Variants in CSMD3 observed in about 807,000 individuals in gnomAD.
CSMD3 encodes CUB and Sushi multiple domains 3, also known as CUB and sushi domain-containing protein 3.
CSMD3 carries 177 observed loss-of-function variants against 435.2 expected under a neutral mutation model. The ratio of observed to expected loss-of-function variants is 0.41; its 90% confidence interval spans 0.36 to 0.46. The LOEUF (loss-of-function observed/expected upper bound fraction) is 0.46. Ranked by LOEUF, CSMD3 falls within the 20% of genes least tolerant of loss-of-function variation. CSMD3 has a pLI of 0.34. For missense variants in CSMD3, 4,265 were observed against 4,504.6 expected, an observed-to-expected ratio of 0.95 and a Z score of 1.52; for synonymous variants, 1,656 against 1,520.5, an observed-to-expected ratio of 1.09 and a Z score of -2.07.
chr8:112,924,855 T>C (rs2082862206), intron 9 of CSMD3, among the ~76,000 whole-genome samples: 1 of 152,132 alleles, frequency 6.6e-6, no homozygotes, highest in Non-Finnish European at 1.5e-5. Context: ...CTTTCTCGTC[T>C]GTTGTGATAA....
At chr8:112,255,761 C>A in intron 61 of CSMD3, 1 of 305,492 alleles carries the variant, frequency 3.3e-6, no homozygotes, top group Non-Finnish European at 6.2e-6. Context: ...TGGAGTATAG[C>A]CTTGAAAAAG....
At chr8:112,483,055 A>C (rs2130806201) in intron 31 of CSMD3, among the ~76,000 whole-genome samples, 1 of 152,256 alleles carries the variant, frequency 6.6e-6, no homozygotes, top group African/African-American at 2.4e-5. Flanking sequence ...TATATGCTGT[A>C]TTAGGAAAAA....
chr8:113,371,506 T>C (rs527462549), intron 1 of CSMD3, among the ~76,000 whole-genome samples: 2 of 152,306 alleles, frequency 1.3e-5, no homozygotes, highest in Admixed American at 1.3e-4. Context: ...CTCAACTTTA[T>C]ATTTTATCCA....
intron 13 of CSMD3, among the ~76,000 whole-genome samples, chr8:112,723,082 T>C (rs7007239): frequency 0.33 from 50,450 of 151,148 alleles, 9,264 homozygotes; most frequent in African/African-American, 0.5. Context: ...TAAAACGTAG[T>C]GTTAAATTGT....
chr8:112,315,552 TA>T (rs1030988222), intron 47 of CSMD3, among the ~76,000 whole-genome samples: 2 of 151,882 alleles, frequency 1.3e-5, no homozygotes, highest in Non-Finnish European at 2.9e-5. Flanking sequence ...TGTGCAGAAG[TA>T]AACCAATATG....
At chr8:112,602,130 G>T (rs1262647116) in intron 22 of CSMD3, among the ~76,000 whole-genome samples, 1 of 152,096 alleles carries the variant, frequency 6.6e-6, no homozygotes, top group Non-Finnish European at 1.5e-5. Context: ...ATATTAGGAT[G>T]ATTTTTATGT....
chr8:113,179,818 T>TA lies in CSMD3; in HGVS notation c.515-5903_515-5902insT, dbSNP rs201429196. On this transcript the variant is annotated intron_variant, in intron 3 of 70. Transcript: ENST00000297405. ...GAAATAAAACTCTACCAAGAAATTT[T>TA]TAAAAAAAAGTGTGTGATTAATACT... 5.5e-3 allele frequency among the ~76,000 whole-genome samples: 828 copies of TA among 151,434 alleles called. 11 individuals are homozygous for TA. Among genetic ancestry groups the TA allele is most frequent in the African/African-American group, 0.018 (738 of 41,354 alleles).
At chr8:113,323,588 G>T (rs1456952966) in intron 1 of CSMD3, among the ~76,000 whole-genome samples, 1 of 152,092 alleles carries the variant, frequency 6.6e-6, no homozygotes, top group African/African-American at 2.4e-5. Context: ...TTAACAACAT[G>T]AATGTACTTA....
At chr8:112,393,981 C>T (rs1038221328) in intron 35 of CSMD3, among the ~76,000 whole-genome samples, 43 of 152,084 alleles carry the variant, frequency 2.8e-4, no homozygotes, top group African/African-American at 9.9e-4. Flanking sequence ...CTTCTATATA[C>T]TCTGACTACC....
intron 15 of CSMD3, among the ~76,000 whole-genome samples, chr8:112,684,415 G>A (rs1201195520): frequency 6.6e-6 from 1 of 152,076 alleles, no homozygotes; most frequent in African/African-American, 2.4e-5. Flanking sequence ...GAGGGTGGGA[G>A]TGAAGTGTGA....
In CSMD3 at chr8:112,299,542, T is replaced by C. The variant is rs74887520; in HGVS notation, c.8440+2251A>G. Among the ~76,000 whole-genome samples, 829 of 152,072 alleles carry C rather than the reference T, an allele frequency of 5.5e-3. 31 individuals carry two copies. In the East Asian group the frequency reaches 0.092, roughly 17 times the overall value. ...ATGTGATAAGCAAATATGAAAAAAA[T>C]GCTAATTGTAGAATTAGGTGGTAGG... On this transcript the variant is annotated intron_variant, in intron 53 of 70. Coordinates refer to ENST00000297405, the MANE Select transcript of CSMD3 (RefSeq NM_198123.2).
intron 3 of CSMD3, among the ~76,000 whole-genome samples, chr8:113,174,501 T>C (rs188747627): frequency 1.4e-3 from 213 of 152,132 alleles, no homozygotes; most frequent in Middle Eastern, 0.01. Flanking sequence ...GTGCAAACAG[T>C]TGTAACATTT....
At chr8:112,344,763 T>C (rs531514320) in intron 41 of CSMD3, among the ~76,000 whole-genome samples, 1 of 152,260 alleles carries the variant, frequency 6.6e-6, no homozygotes, top group South Asian at 2.1e-4. Context: ...TTAAATATGA[T>C]ATATTATGTA....
intron 4 of CSMD3, among the ~76,000 whole-genome samples, chr8:113,147,899 T>G (rs2091714603): frequency 6.6e-6 from 1 of 151,680 alleles, no homozygotes; most frequent in Non-Finnish European, 1.5e-5. Flanking sequence ...CTCTGATCAC[T>G]CTTATCCAAG....
At chr8:112,455,608 T>A (rs1317744368) in intron 32 of CSMD3, among the ~76,000 whole-genome samples, 2 of 51,338 alleles carry the variant, frequency 3.9e-5, no homozygotes, top group East Asian at 1.4e-3. Context: ...AATAAATAAA[T>A]AAATAAATAA....
chr8:112,663,181 G>T (rs530556263), intron 17 of CSMD3, among the ~76,000 whole-genome samples: 1 of 152,172 alleles, frequency 6.6e-6, no homozygotes, highest in East Asian at 1.9e-4. Flanking sequence ...AAAGACACAC[G>T]CACATGTATG....
chr8:113,248,623 T>C (rs1055788222), intron 3 of CSMD3, among the ~76,000 whole-genome samples: 1 of 150,460 alleles, frequency 6.6e-6, no homozygotes, highest in Non-Finnish European at 1.5e-5. Context: ...ACAAATGCCC[T>C]AGAGATAGGA....
intron 3 of CSMD3, among the ~76,000 whole-genome samples, chr8:113,199,274 C>A (rs2092692429): frequency 6.6e-6 from 1 of 151,212 alleles, no homozygotes; most frequent in Admixed American, 6.6e-5. Context: ...TGTGTACAAG[C>A]CTGTGTAAAA....
chr8:112,987,941 G>A (rs765717393), intron 6 of CSMD3, among the ~76,000 whole-genome samples: 2 of 151,986 alleles, frequency 1.3e-5, no homozygotes, highest in African/African-American at 2.4e-5. Flanking sequence ...ATGGGGAGGT[G>A]TTAGAGTTTG....
Sources: allele counts gnomAD v4.1 joint callset (sites outside exome capture counted in the v4.1 genomes callset), GRCh38; gene constraint gnomAD v4.1.1; transcripts MANE v1.5; gene names NCBI Gene and HGNC (gene_info 2026-07-23, HGNC 2026-07-21).